Variants in PRKAG2 observed in about 807,000 individuals in gnomAD.
PRKAG2 encodes the protein protein kinase AMP-activated non-catalytic subunit gamma 2.
Under a neutral mutation model 69.6 loss-of-function variants are expected in PRKAG2, and 26 were observed. The ratio of observed to expected loss-of-function variants is 0.37; its 90% confidence interval spans 0.27 to 0.52. PRKAG2 has a LOEUF of 0.52. Ranked by LOEUF, PRKAG2 falls within the 20% of genes least tolerant of loss-of-function variation. The pLI is 0.90. For synonymous variants in PRKAG2, 293 were observed against 285.0 expected (o/e 1.03, Z -0.28); for missense variants, 557 against 740.0 (o/e 0.75, Z 2.87).
chr7:151,843,867 A>AT (rs1342112259), intron 1 of PRKAG2, among the ~76,000 whole-genome samples: 1 of 152,246 alleles, frequency 6.6e-6, no homozygotes, highest in East Asian at 1.9e-4. Context: ...TGGACATGTC[A>AT]TGGCAGAAGG....
intron 3 of PRKAG2, among the ~76,000 whole-genome samples, chr7:151,710,452 G>A (rs945924428): frequency 2.0e-5 from 3 of 152,302 alleles, no homozygotes; most frequent in East Asian, 1.9e-4. Context: ...TTCGTGGGAA[G>A]AGAAGACCCC....
intron 5 of PRKAG2, among the ~76,000 whole-genome samples, chr7:151,618,942 T>G (rs187418776): frequency 5.9e-5 from 9 of 152,208 alleles, no homozygotes; most frequent in African/African-American, 1.9e-4. Flanking sequence ...GTTTTGTGTG[T>G]GGGGGCAAAT....
chr7:151,648,961 A>G (rs1563340813), intron 4 of PRKAG2, among the ~76,000 whole-genome samples: 1 of 151,950 alleles, frequency 6.6e-6, no homozygotes, highest in Non-Finnish European at 1.5e-5. Context: ...TAGAGTGTAC[A>G]TCTTCGGATG....
intron 1 of PRKAG2, chr7:151,809,151 C>G (rs1338974173): frequency 2.3e-6 from 1 of 436,582 alleles, no homozygotes; most frequent in African/African-American, 2.0e-5. Flanking sequence ...GGCCATCCTG[C>G]GTAAATGCCT....
At chr7:151,791,412 G>A (rs1196732991) in intron 1 of PRKAG2, among the ~76,000 whole-genome samples, 1 of 152,160 alleles carries the variant, frequency 6.6e-6, no homozygotes, top group Non-Finnish European at 1.5e-5. Context: ...CCCCACCACT[G>A]GTCTCTACTC....
chr7:151,861,384 C>T (rs1353995929), intron 1 of PRKAG2, among the ~76,000 whole-genome samples: 2 of 151,740 alleles, frequency 1.3e-5, no homozygotes, highest in African/African-American at 4.8e-5. Context: ...AAAACCTGGC[C>T]GGTCATGGTG....
At position 151,791,503 on chromosome 7, in the gene PRKAG2, C is replaced by T. The variant is rs545799160; in HGVS notation, c.115-4962G>A. 9.8e-4 allele frequency among the ~76,000 whole-genome samples: 150 copies of T among 152,340 alleles called. 2 individuals are homozygous for T. In the South Asian group the frequency reaches 0.011, roughly 11 times the overall value. Reference sequence around the variant, plus strand: ...GACTGGGAGGACATTTAGGGGGCAACGCTGAGGCACCAAGAGATGCTGAAG... The same window carrying T: ...GACTGGGAGGACATTTAGGGGGCAATGCTGAGGCACCAAGAGATGCTGAAG... On this transcript the variant is annotated intron_variant, in intron 1 of 15. Transcript: ENST00000287878.
chr7:151,792,679 C>A (rs1464627349), intron 1 of PRKAG2, among the ~76,000 whole-genome samples: 1 of 152,240 alleles, frequency 6.6e-6, no homozygotes, highest in African/African-American at 2.4e-5. Context: ...GTAGCAGGGG[C>A]CCACGATGGC....
chr7:151,570,505 T>A (rs1374573693), intron 9 of PRKAG2, among the ~76,000 whole-genome samples: 1 of 152,124 alleles, frequency 6.6e-6, no homozygotes, highest in African/African-American at 2.4e-5. Flanking sequence ...CAAAGAAATC[T>A]GATAAAAGAG....
At chr7:151,671,509 G>A (rs1041073297) in intron 4 of PRKAG2, among the ~76,000 whole-genome samples, 1 of 152,162 alleles carries the variant, frequency 6.6e-6, no homozygotes, top group Non-Finnish European at 1.5e-5. Context: ...CTACGAACTT[G>A]AAACTACCAC....
At chr7:151,687,808 G>A (rs940840884) in intron 3 of PRKAG2, among the ~76,000 whole-genome samples, 1 of 152,252 alleles carries the variant, frequency 6.6e-6, no homozygotes, top group Non-Finnish European at 1.5e-5. Context: ...TTGGGGAGAA[G>A]ACCGTTTGTA....
At chr7:151,831,674 G>GTCCC (rs2079028156) in intron 1 of PRKAG2, among the ~76,000 whole-genome samples, 1 of 152,142 alleles carries the variant, frequency 6.6e-6, no homozygotes, top group African/African-American at 2.4e-5. Context: ...ATATTCATTT[G>GTCCC]TATGTTCCCC....
At chr7:151,785,297 G>GT in intron 2 of PRKAG2, among the ~76,000 whole-genome samples, 1 of 152,354 alleles carries the variant, frequency 6.6e-6, no homozygotes, top group South Asian at 2.1e-4. Flanking sequence ...GGAAAGAAGG[G>GT]TTTTGCAGAG....
At chr7:151,673,005 A>T (rs1563393941) in intron 4 of PRKAG2, among the ~76,000 whole-genome samples, 1 of 152,172 alleles carries the variant, frequency 6.6e-6, no homozygotes, top group South Asian at 2.1e-4. Flanking sequence ...GGGTATAAAC[A>T]GTTGGGTTAT....
chr7:151,801,167 G>A (rs1000497252), intron 1 of PRKAG2, among the ~76,000 whole-genome samples: 2 of 152,218 alleles, frequency 1.3e-5, no homozygotes, highest in African/African-American at 4.8e-5. Flanking sequence ...AATGGGAACT[G>A]GAGAGGTCAA....
chr7:151,876,405 G>GCA (rs2080406202), intron 1 of PRKAG2, 102 bp downstream of exon 1: 3 of 1,153,744 alleles, frequency 2.6e-6, no homozygotes, highest in African/African-American at 1.5e-5. Context: ...GACAGGAGGG[G>GCA]CACGCACGGC....
chr7:151,705,988 G>T (rs1482291591), intron 3 of PRKAG2, among the ~76,000 whole-genome samples: 1 of 152,176 alleles, frequency 6.6e-6, no homozygotes, highest in East Asian at 1.9e-4. Flanking sequence ...AGGAGCCTGG[G>T]TCTCTTGAGT....
At chr7:151,778,237 G>A (rs1483552203) in intron 3 of PRKAG2, among the ~76,000 whole-genome samples, 1 of 152,010 alleles carries the variant, frequency 6.6e-6, no homozygotes, top group Non-Finnish European at 1.5e-5. Flanking sequence ...GAGCCTTTGG[G>A]GAGACTGATT....
chr7:151,866,019 C>CAAAA (rs61697386), intron 1 of PRKAG2, among the ~76,000 whole-genome samples: 1 of 95,740 alleles, frequency 1.0e-5, no homozygotes. Context: ...GACTCTGTCT[C>CAAAA]AAAAAAAAAA....
Sources: allele counts gnomAD v4.1 joint callset (sites outside exome capture counted in the v4.1 genomes callset), GRCh38; gene constraint gnomAD v4.1.1; transcripts MANE v1.5; gene names NCBI Gene and HGNC (gene_info 2026-07-23, HGNC 2026-07-21).